GMPR: variants seen among roughly 807,000 people sequenced by gnomAD.
GMPR encodes the protein GMP reductase 1.
Under a neutral mutation model 38.4 loss-of-function variants are expected in GMPR, and 31 were observed. That is an observed-to-expected ratio of 0.81 (90% CI 0.61 to 1.09). GMPR has a LOEUF of 1.09. Among genes scored for constraint, GMPR ranks in the 50% least tolerant of loss-of-function variants. The pLI is 0.00. For missense variants in GMPR, 468 were observed against 453.7 expected (o/e 1.03, Z -0.29); for synonymous variants, 162 against 173.3 (o/e 0.93, Z 0.51).
At chr6:16,290,658 G>A (rs768846907) in intron 8 of GMPR, 37 bp downstream of exon 8, 2 of 1,588,894 alleles carry the variant, frequency 1.3e-6, no homozygotes, top group South Asian at 2.2e-5. Flanking sequence ...CTCGAGGCCT[G>A]GCCTTGCTTT....
chr6:16,288,431 C>A (rs1389127702), intron 7 of GMPR, among the ~76,000 whole-genome samples: 1 of 152,248 alleles, frequency 6.6e-6, no homozygotes, highest in Non-Finnish European at 1.5e-5. Flanking sequence ...CTGGGTCCTC[C>A]AGCAGTGCCA....
At chr6:16,269,658 G>T (rs908205780) in intron 4 of GMPR, among the ~76,000 whole-genome samples, 1 of 152,114 alleles carries the variant, frequency 6.6e-6, no homozygotes, top group Non-Finnish European at 1.5e-5. Flanking sequence ...TTAGCTGGGC[G>T]TGGTGTCACA....
At chr6:16,239,457 T>A (rs1758602866) in intron 1 of GMPR, among the ~76,000 whole-genome samples, 1 of 152,072 alleles carries the variant, frequency 6.6e-6, no homozygotes, top group South Asian at 2.1e-4. Flanking sequence ...CCTCAAATCC[T>A]AAGGAACAGG....
intron 4 of GMPR, among the ~76,000 whole-genome samples, 168 bp from the exon 5 acceptor site, chr6:16,274,247 G>C (rs1433311523): frequency 2.6e-5 from 4 of 152,150 alleles, no homozygotes; most frequent in African/African-American, 9.7e-5. Context: ...CACCCAAGGG[G>C]CCTTTCCCAA....
chr6:16,287,645 C>T (rs561410693), intron 7 of GMPR, among the ~76,000 whole-genome samples: 54 of 152,268 alleles, frequency 3.5e-4, no homozygotes, highest in African/African-American at 1.2e-3. Context: ...TTGCAGCTGC[C>T]GCAGAGGTGC....
chr6:16,277,243 C>G (rs2113695780), intron 5 of GMPR, among the ~76,000 whole-genome samples: 1 of 152,342 alleles, frequency 6.6e-6, no homozygotes, highest in Non-Finnish European at 1.5e-5. Flanking sequence ...ACAGCTGATG[C>G]AGGAGAGGGG....
At chr6:16,242,264 A>T (rs972513350) in intron 1 of GMPR, among the ~76,000 whole-genome samples, 5 of 151,218 alleles carry the variant, frequency 3.3e-5, no homozygotes, top group Non-Finnish European at 7.4e-5. Context: ...CCTGAGGGGG[A>T]TGAGAACATG....
At position 16,274,580 on chromosome 6, in the gene GMPR, G is replaced by C. The variant is rs1190943572; in HGVS notation, c.547+84G>C. ...TTGCGGGGACTGCAGATCACTGGAG[G>C]GGATGCATGAATGACTCATTCACAG... On this transcript the variant is annotated intron_variant, in intron 5 of 8. Coordinates refer to ENST00000259727, the MANE Select transcript of GMPR (RefSeq NM_006877.4). The C allele has an allele frequency of 8.9e-6, 7 of 788,858 alleles. No homozygotes were observed. In the South Asian group the frequency reaches 9.9e-5, roughly 11 times the overall value. The allele number at this position is 788,858 out of a possible 1,614,324, so 48.9% of individuals were successfully genotyped here.
chr6:16,267,659 C>T (rs974308510), intron 4 of GMPR, among the ~76,000 whole-genome samples: 3 of 152,164 alleles, frequency 2.0e-5, no homozygotes, highest in Admixed American at 6.5e-5. Context: ...GTGGCTCCAG[C>T]GAGACCAAGA....
intron 3 of GMPR, among the ~76,000 whole-genome samples, chr6:16,252,082 T>C (rs925226484): frequency 7.2e-5 from 11 of 152,198 alleles, no homozygotes; most frequent in Non-Finnish European, 1.5e-4. Context: ...TGGATTTTGA[T>C]TAGTGAAAAA....
intron 7 of GMPR, among the ~76,000 whole-genome samples, chr6:16,287,667 A>T (rs543957243): frequency 6.6e-6 from 1 of 152,292 alleles, no homozygotes; most frequent in East Asian, 1.9e-4. Context: ...GTGCTCCTGA[A>T]TTGTCAAGAA....
At chr6:16,289,667 C>A (rs1224046069) in intron 7 of GMPR, 2 of 100,672 alleles carry the variant, frequency 2.0e-5, no homozygotes, top group East Asian at 6.7e-4. Flanking sequence ...GGACTTCTTT[C>A]CTTGAAGCTG....
At chr6:16,288,355 G>A (rs973188597) in intron 7 of GMPR, among the ~76,000 whole-genome samples, 3 of 152,154 alleles carry the variant, frequency 2.0e-5, no homozygotes, top group East Asian at 1.9e-4. Flanking sequence ...CGGAGCGGCC[G>A]GCTGGCCCTG....
Position 16,278,817 on chromosome 6 carries a change from T to A in GMPR, c.581T>A (p.Val194Glu). Residue 194 changes from valine to glutamate, a missense_variant, in exon 6 of 9, where the codon GTG becomes GAG. Physicochemically the swap from Val to Glu is moderately radical, Grantham distance 121 (BLOSUM62 -2). Coordinates refer to ENST00000259727, the MANE Select transcript of GMPR (RefSeq NM_006877.4). Reference sequence around the variant, plus strand: ...TGCACCACCCGCACCAAGACGGGAGTGGGGTACCCCCAGCTGAGTGCCGTC... The same window carrying A: ...TGCACCACCCGCACCAAGACGGGAGAGGGGTACCCCCAGCTGAGTGCCGTC... ...SVCTTRTKTG[V>E]GYPQLSAVIE... The A allele has an allele frequency of 6.2e-7, 1 of 1,614,096 alleles. No homozygotes were observed. The highest frequency in any genetic ancestry group is 1.1e-5 in the South Asian group (1 of 91,080).
At chr6:16,267,868 C>G (rs923805977) in intron 4 of GMPR, among the ~76,000 whole-genome samples, 1 of 152,236 alleles carries the variant, frequency 6.6e-6, no homozygotes, top group East Asian at 1.9e-4. Flanking sequence ...GCGGGCAGAT[C>G]TCCGGGAGCC....
chr6:16,288,670 C>G (rs1394121839), intron 7 of GMPR, among the ~76,000 whole-genome samples: 1 of 152,234 alleles, frequency 6.6e-6, no homozygotes, highest in African/African-American at 2.4e-5. Flanking sequence ...GTGGGCAGCT[C>G]CATCTGCAGC....
rs370336081 is a variant in GMPR, at chr6:16,276,756, GATAGC to G, written c.548-2025_548-2021del. On this transcript the variant is annotated intron_variant, in intron 5 of 8. Transcript: ENST00000259727. ...AACATTGCATATTACATATCTAAATGATAGCATTATTGGATGTCTATTGATTGATA... is the reference window on the plus strand; with the variant it reads ...AACATTGCATATTACATATCTAAATGATTATTGGATGTCTATTGATTGATA... 1.4e-4 allele frequency among the ~76,000 whole-genome samples: 22 copies of G among 152,286 alleles called. No homozygotes were observed. The East Asian group carries it at 4.0e-3, about 28-fold the overall frequency.
intron 4 of GMPR, among the ~76,000 whole-genome samples, chr6:16,265,713 C>G (rs557284755): frequency 6.6e-6 from 1 of 152,176 alleles, no homozygotes; most frequent in Non-Finnish European, 1.5e-5. Context: ...CACACCACTC[C>G]GCACTCTGTT....
At chr6:16,255,841 T>G (rs78761509) in intron 4 of GMPR, among the ~76,000 whole-genome samples, 3 of 152,264 alleles carry the variant, frequency 2.0e-5, no homozygotes, top group Non-Finnish European at 4.4e-5. Flanking sequence ...GGAATTGTTA[T>G]GGAGTAAAGT....
Sources: gnomAD v4.1 joint callset for allele counts (sites outside exome capture counted in the v4.1 genomes callset) on GRCh38, gnomAD v4.1.1 for gene constraint, MANE v1.5 for transcripts, NCBI Gene and HGNC (gene_info 2026-07-23, HGNC 2026-07-21) for gene names.